Variants in ECPAS observed in about 807,000 individuals in gnomAD.
The protein encoded by ECPAS is Ecm29 proteasome adaptor and scaffold.
ECPAS carries 70 observed loss-of-function variants against 255.1 expected under a neutral mutation model. The observed-to-expected ratio is 0.27, with a 90% CI of 0.23 to 0.33. The LOEUF is 0.33. ECPAS is among the 10% of genes least tolerant of loss of function. The probability of loss-of-function intolerance (pLI) is 1.00; values close to 1 mark genes in which losing one functional copy is unlikely to be tolerated. For missense variants in ECPAS, 1,817 were observed against 2,206.4 expected (o/e 0.82, Z 3.54); for synonymous variants, 784 against 775.0 (o/e 1.01, Z -0.19).
intron 2 of ECPAS, among the ~76,000 whole-genome samples, chr9:111,472,266 T>TG: frequency 6.6e-6 from 1 of 151,682 alleles, no homozygotes; most frequent in Admixed American, 6.6e-5. Flanking sequence ...ATTAAAAAAT[T>TG]TAAAAAACAA....
At chr9:111,370,300 T>C (rs971317388) in intron 45 of ECPAS, 135 bp downstream of exon 45, 2 of 614,282 alleles carry the variant, frequency 3.3e-6, no homozygotes, top group Non-Finnish European at 5.7e-6. Flanking sequence ...GACTATCTTG[T>C]TTAAGGCCGT....
At chr9:111,416,207 T>C (rs960936023) in intron 18 of ECPAS, 65 bp downstream of exon 18, 11 of 1,173,262 alleles carry the variant, frequency 9.4e-6, no homozygotes, top group Non-Finnish European at 1.3e-5. Flanking sequence ...AGACCCCTCT[T>C]TGGGTGTGGT....
chr9:111,426,145 G>A (rs1589181124), intron 10 of ECPAS, among the ~76,000 whole-genome samples: 1 of 152,192 alleles, frequency 6.6e-6, no homozygotes, highest in African/African-American at 2.4e-5. Flanking sequence ...ATATGATTCA[G>A]GACAAATTCT....
At chr9:111,389,486 G>C in intron 31 of ECPAS, 70 bp downstream of exon 31, 1 of 1,352,000 alleles carries the variant, frequency 7.4e-7, no homozygotes, top group Non-Finnish European at 9.9e-7. Flanking sequence ...TGGACACTGG[G>C]TTTAAATCCT....
chr9:111,445,319 C>CT (rs911234869), intron 3 of ECPAS, among the ~76,000 whole-genome samples: 1 of 151,846 alleles, frequency 6.6e-6, no homozygotes, highest in Non-Finnish European at 1.5e-5. Context: ...TTACAATGTC[C>CT]TTTAGTTAAA....
chr9:111,411,221 A>C, intron 21 of ECPAS, 79 bp from the exon 22 acceptor site: 1 of 1,391,140 alleles, frequency 7.2e-7, no homozygotes, highest in African/African-American at 1.4e-5. Context: ...CTGTGTGTCG[A>C]TTAGGATCAT....
intron 35 of ECPAS, 92 bp downstream of exon 35, chr9:111,383,119 T>G: frequency 6.8e-7 from 1 of 1,479,038 alleles, no homozygotes; most frequent in Non-Finnish European, 9.3e-7. Context: ...TAAACCTCTT[T>G]CTCCATATTT....
At chr9:111,464,601 TAAAC>T (rs1564563731) in intron 2 of ECPAS, among the ~76,000 whole-genome samples, 1 of 152,066 alleles carries the variant, frequency 6.6e-6, no homozygotes, top group African/African-American at 2.4e-5. Flanking sequence ...TGGAAATAAA[TAAAC>T]AAGGATTACA....
chr9:111,435,599 A>C (rs2131867884), intron 7 of ECPAS, among the ~76,000 whole-genome samples: 1 of 152,310 alleles, frequency 6.6e-6, no homozygotes, highest in East Asian at 1.9e-4. Flanking sequence ...TCCGAGGGTT[A>C]AATGAGATAT....
At chr9:111,460,396 CCAAA>C (rs1354961339) in intron 2 of ECPAS, among the ~76,000 whole-genome samples, 1 of 152,074 alleles carries the variant, frequency 6.6e-6, no homozygotes, top group Non-Finnish European at 1.5e-5. Context: ...AGGTAAAATA[CCAAA>C]CACTTTTCCT....
chr9:111,409,318 G>A (rs531329129), intron 23 of ECPAS, among the ~76,000 whole-genome samples: 51 of 152,212 alleles, frequency 3.4e-4, no homozygotes, highest in African/African-American at 1.1e-3. Context: ...CAGCACTTTC[G>A]GAAGCCGAGG....
chr9:111,450,116 A>G (rs1327906076), intron 3 of ECPAS, among the ~76,000 whole-genome samples: 4 of 152,134 alleles, frequency 2.6e-5, no homozygotes, highest in African/African-American at 4.8e-5. Context: ...GATTTCCCCA[A>G]CTAGGTGTTG....
chr9:111,456,337 T>G (rs573767477), intron 2 of ECPAS, among the ~76,000 whole-genome samples: 9 of 152,318 alleles, frequency 5.9e-5, no homozygotes, highest in African/African-American at 2.2e-4. Context: ...CAGTGAGTTT[T>G]AAGGACTTGC....
intron 7 of ECPAS, among the ~76,000 whole-genome samples, chr9:111,434,753 G>A (rs190025732): frequency 6.6e-5 from 10 of 151,756 alleles, no homozygotes; most frequent in Admixed American, 5.9e-4. Flanking sequence ...CGCCATGCCC[G>A]GCTAATTTTT....
chr9:111,375,363 T>C (rs540378867), intron 37 of ECPAS, among the ~76,000 whole-genome samples, 161 bp from the exon 38 acceptor site: 243 of 152,252 alleles, frequency 1.6e-3, no homozygotes, highest in Non-Finnish European at 2.5e-3. Context: ...AAAACCACTA[T>C]TGTACTACAA....
At chr9:111,384,629 A>C in intron 33 of ECPAS, 60 bp from the exon 34 acceptor site, 1 of 1,483,852 alleles carries the variant, frequency 6.7e-7, no homozygotes, top group East Asian at 2.3e-5. Flanking sequence ...CATCTACTCT[A>C]CAATTTGCAA....
At chr9:111,393,445 G>A (rs966545854) in intron 27 of ECPAS, among the ~76,000 whole-genome samples, 3 of 152,188 alleles carry the variant, frequency 2.0e-5, no homozygotes, top group African/African-American at 7.2e-5. Context: ...TGAGGAACAT[G>A]TTCTAATGTA....
chr9:111,437,242 TTCA>T (rs956209528), intron 6 of ECPAS, 134 bp from the exon 7 acceptor site: 1 of 749,434 alleles, frequency 1.3e-6, no homozygotes, highest in African/African-American at 1.8e-5. Context: ...AAATTAAAAT[TTCA>T]TCATAAAAAA....
At chr9:111,394,575 C>T (rs1449536572) in intron 25 of ECPAS, among the ~76,000 whole-genome samples, 3 of 152,144 alleles carry the variant, frequency 2.0e-5, no homozygotes, top group Non-Finnish European at 4.4e-5. Flanking sequence ...CAATTTTTGT[C>T]TACTAGATGT....
Sources: allele counts gnomAD v4.1 joint callset (sites outside exome capture counted in the v4.1 genomes callset), GRCh38; gene constraint gnomAD v4.1.1; transcripts MANE v1.5; gene names NCBI Gene and HGNC (gene_info 2026-07-23, HGNC 2026-07-21).